Variants in CSMD2 observed in about 807,000 individuals in gnomAD.
The protein encoded by CSMD2 is CUB and sushi domain-containing protein 2.
Under a neutral mutation model 398.5 loss-of-function variants are expected in CSMD2, and 130 were observed. The ratio of observed to expected loss-of-function variants is 0.33; its 90% CI spans 0.28 to 0.38. The LOEUF (loss-of-function observed/expected upper bound fraction) is 0.38. Among genes scored for constraint, CSMD2 ranks in the 10% least tolerant of loss-of-function variants. The probability of loss-of-function intolerance (pLI) is 1.00; values close to 1 mark genes in which losing one functional copy is unlikely to be tolerated. For missense variants in CSMD2, 3,829 were observed against 4,764.9 expected (o/e 0.80, Z 5.78); for synonymous variants, 1,828 against 1,908.5 (o/e 0.96, Z 1.10).
intron 12 of CSMD2, among the ~76,000 whole-genome samples, chr1:33,782,182 C>A (rs1168040237): frequency 6.6e-6 from 1 of 150,686 alleles, no homozygotes; most frequent in Non-Finnish European, 1.5e-5. Flanking sequence ...ATCACAGCTA[C>A]CCGCCCCCCA....
intron 19 of CSMD2, among the ~76,000 whole-genome samples, chr1:33,719,066 G>A (rs1302054890): frequency 1.8e-5 from 2 of 111,722 alleles, no homozygotes; most frequent in Middle Eastern, 4.2e-3. Context: ...AATTCAGAGT[G>A]GGGCATGGAG....
chr1:33,902,629 G>T (rs760905592), intron 5 of CSMD2, among the ~76,000 whole-genome samples: 2 of 152,030 alleles, frequency 1.3e-5, no homozygotes, highest in Non-Finnish European at 2.9e-5. Context: ...TTTCTGGCCC[G>T]GAGATTAATG....
intron 3 of CSMD2, among the ~76,000 whole-genome samples, chr1:34,032,230 G>A (rs1027368966): frequency 6.6e-6 from 1 of 151,788 alleles, no homozygotes; most frequent in Non-Finnish European, 1.5e-5. Context: ...TTTTACTTAG[G>A]GTTTATATGT....
intron 3 of CSMD2, among the ~76,000 whole-genome samples, chr1:34,025,844 T>C (rs1238571623): frequency 6.6e-6 from 1 of 152,190 alleles, no homozygotes; most frequent in African/African-American, 2.4e-5. Context: ...ACTCTGCTTC[T>C]TCCCTCCAAA....
chr1:33,549,470 A>G (rs1250314007), intron 56 of CSMD2, among the ~76,000 whole-genome samples: 1 of 152,252 alleles, frequency 6.6e-6, no homozygotes, highest in East Asian at 1.9e-4. Flanking sequence ...ATTCACTTGC[A>G]AAATTTTGTT....
intron 1 of CSMD2, among the ~76,000 whole-genome samples, chr1:34,136,484 A>G (rs1638765907): frequency 6.6e-6 from 1 of 152,240 alleles, no homozygotes; most frequent in Non-Finnish European, 1.5e-5. Flanking sequence ...TGTGCATGAG[A>G]ACAGACACAG....
At chr1:33,645,879 G>A (rs556432262) in intron 29 of CSMD2, among the ~76,000 whole-genome samples, 1 of 152,330 alleles carries the variant, frequency 6.6e-6, no homozygotes, top group African/African-American at 2.4e-5. Context: ...GCTCTTAACT[G>A]GGCAGGGACA....
intron 25 of CSMD2, among the ~76,000 whole-genome samples, chr1:33,678,690 C>G (rs1252951115): frequency 2.6e-5 from 4 of 152,062 alleles, no homozygotes; most frequent in Non-Finnish European, 4.4e-5. Context: ...AGCTGCAAAC[C>G]AACAATTAAA....
intron 64 of CSMD2, among the ~76,000 whole-genome samples, chr1:33,530,278 G>T (rs1164556091): frequency 6.6e-6 from 1 of 152,090 alleles, no homozygotes; most frequent in Non-Finnish European, 1.5e-5. Flanking sequence ...TTAAAAACAG[G>T]CAAAGGACCT....
At chr1:33,526,698 T>G (rs1654806934) in intron 65 of CSMD2, among the ~76,000 whole-genome samples, 1 of 152,236 alleles carries the variant, frequency 6.6e-6, no homozygotes. Flanking sequence ...TCCTGCATAA[T>G]ACACATGTTA....
intron 6 of CSMD2, among the ~76,000 whole-genome samples, chr1:33,827,956 C>A (rs1659019530): frequency 6.6e-6 from 1 of 152,172 alleles, no homozygotes; most frequent in Admixed American, 6.5e-5. Flanking sequence ...CTTGAGGTAA[C>A]AGGCCAATCC....
At chr1:33,549,175 C>T (rs955215979) in intron 56 of CSMD2, among the ~76,000 whole-genome samples, 34 of 152,176 alleles carry the variant, frequency 2.2e-4, no homozygotes, top group Non-Finnish European at 2.6e-4. Flanking sequence ...TGTCAAACTG[C>T]AAGAACAGTG....
At chr1:34,082,667 T>C (rs1258224973) in intron 2 of CSMD2, among the ~76,000 whole-genome samples, 3 of 152,204 alleles carry the variant, frequency 2.0e-5, no homozygotes, top group Non-Finnish European at 1.5e-5. Flanking sequence ...GATCAGATTG[T>C]TAGTGTGTCT....
chr1:33,554,569 G>A (rs954356584), intron 55 of CSMD2, among the ~76,000 whole-genome samples: 8 of 152,216 alleles, frequency 5.3e-5, no homozygotes, highest in African/African-American at 1.9e-4. Flanking sequence ...TCAAAAGACT[G>A]AATGACTCTC....
chr1:33,663,735 C>A (rs1234043432), intron 25 of CSMD2, among the ~76,000 whole-genome samples: 1 of 152,168 alleles, frequency 6.6e-6, no homozygotes, highest in Non-Finnish European at 1.5e-5. Context: ...CAAGGGAGCT[C>A]AAGTAGTAAC....
chr1:33,631,425 T>G (rs531338922), intron 32 of CSMD2, among the ~76,000 whole-genome samples: 2 of 152,284 alleles, frequency 1.3e-5, no homozygotes, highest in Admixed American at 6.5e-5. Context: ...CAAATTTATT[T>G]GCAGATGATA....
In CSMD2 at chr1:33,519,807, G is replaced by C; in HGVS notation, c.10736+5C>G. On this transcript the variant is annotated splice_donor_5th_base_variant and intron_variant, in intron 69 of 70. Coordinates refer to ENST00000373381, the MANE Select transcript of CSMD2 (RefSeq NM_001281956.2). This position sits in a 1 kb window ranked among gnomAD's most constrained non-coding sequence, Gnocchi z 5.6. ...TGCCCGCCCTGCCTCCTTCCTGCACGGTACCTGTGCTTGTAGAGATAGAGC... is the reference window on the plus strand; with the variant it reads ...TGCCCGCCCTGCCTCCTTCCTGCACCGTACCTGTGCTTGTAGAGATAGAGC... The C allele has an allele frequency of 6.2e-7, 1 of 1,613,670 alleles. No individual in the cohort carries two copies. Among genetic ancestry groups the C allele is most frequent in the Non-Finnish European group, 8.5e-7 (1 of 1,179,870 alleles).
At chr1:33,842,624 T>C (rs1660968367) in intron 6 of CSMD2, among the ~76,000 whole-genome samples, 1 of 152,184 alleles carries the variant, frequency 6.6e-6, no homozygotes, top group South Asian at 2.1e-4. Context: ...CATAAACTGC[T>C]CAGCTCTGCC....
At chr1:34,077,065 G>A (rs1039315881) in intron 2 of CSMD2, among the ~76,000 whole-genome samples, 9 of 150,594 alleles carry the variant, frequency 6.0e-5, no homozygotes, top group African/African-American at 2.2e-4. Flanking sequence ...AGAAAGGTGA[G>A]GTTAAAGGGG....
Sources: allele counts gnomAD v4.1 joint callset (sites outside exome capture counted in the v4.1 genomes callset), GRCh38; gene constraint gnomAD v4.1.1; non-coding constraint Gnocchi (gnomAD v3.1); transcripts MANE v1.5; gene names NCBI Gene and HGNC (gene_info 2026-07-23, HGNC 2026-07-21).